SLC25A15: variants seen among roughly 807,000 people sequenced by gnomAD.
SLC25A15 encodes mitochondrial ornithine transporter 1.
In SLC25A15, 24 loss-of-function variants were observed where a neutral mutation model predicts 32.3. The ratio of observed to expected loss-of-function variants is 0.74; its 90% CI spans 0.54 to 1.04. The LOEUF is 1.04. SLC25A15 is among the 50% of genes least tolerant of loss of function. The pLI is 0.00. For synonymous variants in SLC25A15, 132 were observed against 142.1 expected (o/e 0.93, Z 0.51); for missense variants, 317 against 374.5 (o/e 0.85, Z 1.27).
chr13:40,809,247 CCT>C (rs1882340397), intron 6 of SLC25A15, among the ~76,000 whole-genome samples: 1 of 152,226 alleles, frequency 6.6e-6, no homozygotes, highest in Admixed American at 6.5e-5. Context: ...TCCATGGTTG[CCT>C]CTGTCTGGCC....
chr13:40,797,815 TC>T (rs1881717160), intron 2 of SLC25A15, among the ~76,000 whole-genome samples: 1 of 152,218 alleles, frequency 6.6e-6, no homozygotes. Context: ...TTAAATATTT[TC>T]TGTAAGCCTT....
intron 1 of SLC25A15, among the ~76,000 whole-genome samples, chr13:40,790,112 C>G (rs1881427409): frequency 6.6e-6 from 1 of 152,126 alleles, no homozygotes; most frequent in Non-Finnish European, 1.5e-5. Context: ...TCCTTGGCGG[C>G]GAAACTGATT....
chr13:40,799,459 T>C, intron 3 of SLC25A15, 144 bp downstream of exon 3: 1 of 937,826 alleles, frequency 1.1e-6, no homozygotes, highest in African/African-American at 1.6e-5. Context: ...AAAACCAGCC[T>C]GGGCAACACA....
At chr13:40,798,979 G>A (rs1047942272) in intron 2 of SLC25A15, 78 bp from the exon 3 acceptor site, 46 of 1,612,646 alleles carry the variant, frequency 2.9e-5, no homozygotes, top group Admixed American at 6.7e-5. Context: ...AAGTTCTGGG[G>A]TAGGCTGCCT....
At chr13:40,794,208 T>C (rs1363501823) in intron 2 of SLC25A15, among the ~76,000 whole-genome samples, 2 of 152,042 alleles carry the variant, frequency 1.3e-5, no homozygotes, top group East Asian at 1.9e-4. Flanking sequence ...GGCGTGGTGG[T>C]GCATGCCTGT....
Position 40,807,240 on chromosome 13 carries a change from T to C in SLC25A15, c.453-54T>C. The C allele has an allele frequency of 1.3e-6, 2 of 1,570,934 alleles. 1 individual carries two copies. The highest frequency in any genetic ancestry group is 2.2e-5 in the South Asian group (2 of 90,164). On this transcript the variant is annotated intron_variant, in intron 4 of 6. Coordinates refer to ENST00000338625, the MANE Select transcript of SLC25A15 (RefSeq NM_014252.4). ...TTAATTGGTTGCAAATGCCCTTGTC[T>C]TTTCTTCCTTCCCACCTGCTGTAAC...
intron 2 of SLC25A15, among the ~76,000 whole-genome samples, chr13:40,795,560 CTGGCGACA>C (rs1180418015): frequency 6.6e-6 from 1 of 152,190 alleles, no homozygotes; most frequent in African/African-American, 2.4e-5. Flanking sequence ...TCCCCCTGTG[CTGGCGACA>C]CAGGGACGCC....
intron 1 of SLC25A15, 137 bp downstream of exon 1, chr13:40,789,800 C>G (rs1305465119): frequency 6.6e-6 from 1 of 151,888 alleles, no homozygotes. Context: ...GCCAGCGTCG[C>G]AGCGCACGTG....
At chr13:40,800,980 C>T (rs1398055716) in intron 3 of SLC25A15, among the ~76,000 whole-genome samples, 5 of 152,132 alleles carry the variant, frequency 3.3e-5, no homozygotes, top group East Asian at 1.9e-4. Flanking sequence ...CGCCTGTAGT[C>T]CCAGCACTTT....
intron 2 of SLC25A15, chr13:40,798,624 C>T (rs1172715126): frequency 2.0e-5 from 5 of 247,654 alleles, no homozygotes; most frequent in East Asian, 1.8e-4. Context: ...TTACTGATTA[C>T]GTAGCCGGTG....
intron 2 of SLC25A15, among the ~76,000 whole-genome samples, chr13:40,793,876 G>A (rs1218080495): frequency 6.6e-6 from 1 of 152,230 alleles, no homozygotes; most frequent in African/African-American, 2.4e-5. Flanking sequence ...CAGAGGTGAA[G>A]CCACGTGTCC....
Position 40,805,112 on chromosome 13 carries a change from T to C in SLC25A15, c.315-6T>C. 6.2e-7 allele frequency: 1 copy of C among 1,614,022 alleles called. No individual in the cohort carries two copies. ...GAGGGGTAACTGTCTGCTTGTGTGC[T>C]TTCAGTGATCTGCAGAATGCAGCCG... is the stretch of plus-strand genomic sequence containing the variant. On this transcript the variant is annotated splice_region_variant and splice_polypyrimidine_tract_variant and intron_variant, in intron 3 of 6. Transcript: ENST00000338625.
chr13:40,806,834 G>A (rs1164639574), intron 4 of SLC25A15, among the ~76,000 whole-genome samples: 1 of 152,210 alleles, frequency 6.6e-6, no homozygotes, highest in African/African-American at 2.4e-5. Context: ...GAGCAGGGCT[G>A]CTTAGAAGAA....
chr13:40,794,493 G>T (rs796840244), intron 2 of SLC25A15, among the ~76,000 whole-genome samples: 5 of 152,330 alleles, frequency 3.3e-5, no homozygotes, highest in African/African-American at 1.2e-4. Context: ...GCACAGGGAG[G>T]TGCTACCTGT....
chr13:40,794,012 C>CT (rs1343523893), intron 2 of SLC25A15, among the ~76,000 whole-genome samples: 3 of 152,168 alleles, frequency 2.0e-5, no homozygotes, highest in African/African-American at 7.2e-5. Context: ...ACTGTCCCTG[C>CT]TAGTGTTGGG....
chr13:40,790,684 T>G (rs1881448293), intron 1 of SLC25A15, among the ~76,000 whole-genome samples: 1 of 152,138 alleles, frequency 6.6e-6, no homozygotes, highest in Admixed American at 6.6e-5. Context: ...GCCTCCTGGG[T>G]TCAAGCTATT....
At chr13:40,793,054 C>T in intron 1 of SLC25A15, 104 bp from the exon 2 acceptor site, 2 of 695,986 alleles carry the variant, frequency 2.9e-6, no homozygotes, top group South Asian at 3.0e-5. Context: ...AGTGTGGACC[C>T]CAGGTCATGG....
At chr13:40,799,966 G>T (rs1261284732) in intron 3 of SLC25A15, among the ~76,000 whole-genome samples, 1 of 152,216 alleles carries the variant, frequency 6.6e-6, no homozygotes, top group East Asian at 1.9e-4. Flanking sequence ...TTGCCTCTTT[G>T]TTGGTCTTGC....
chr13:40,800,916 G>A (rs998446809), intron 3 of SLC25A15, among the ~76,000 whole-genome samples: 1 of 152,168 alleles, frequency 6.6e-6, no homozygotes, highest in African/African-American at 2.4e-5. Flanking sequence ...ATTTCATATA[G>A]TGTATGTGTT....
Sources: gnomAD v4.1 joint callset for allele counts (sites outside exome capture counted in the v4.1 genomes callset) on GRCh38, gnomAD v4.1.1 for gene constraint, MANE v1.5 for transcripts, NCBI Gene and HGNC (gene_info 2026-07-23, HGNC 2026-07-21) for gene names.